The following GET4 variants were observed in gnomAD, a reference collection of about 807,000 sequenced individuals.
The protein encoded by GET4 is Golgi to ER traffic protein 4 homolog.
GET4 carries 20 observed loss-of-function variants against 40.0 expected under a neutral mutation model. That is an observed-to-expected ratio of 0.50 (90% CI 0.35 to 0.73). GET4 has a LOEUF of 0.73. Among genes scored for constraint, GET4 ranks in the 30% least tolerant of loss-of-function variants. GET4 has a pLI of 0.01. For synonymous variants in GET4, 280 were observed against 194.6 expected, an observed-to-expected ratio of 1.44 and a Z score of -3.65; for missense variants, 557 against 454.0, an observed-to-expected ratio of 1.23 and a Z score of -2.06.
At chr7:892,520 G>GGTGTGGGTAGCC in intron 6 of GET4, 102 bp downstream of exon 6, 1 of 1,303,032 alleles carries the variant, frequency 7.7e-7, no homozygotes, top group Non-Finnish European at 1.1e-6. Flanking sequence ...GTGTAGCCAT[G>GGTGTGGGTAGCC]GTGTGGGTAG....
intron 6 of GET4, among the ~76,000 whole-genome samples, chr7:893,020 GGGGTGTAGGCGTGTGTGCAGGTGAGTGTT>G (rs1844365852): frequency 1.3e-5 from 2 of 149,212 alleles, no homozygotes; most frequent in Non-Finnish European, 3.0e-5. Flanking sequence ...TTGCAGGTGA[GGGGTGTAGGCGTGTGTGCAGGTGAGTGTT>G]GGGTGTGGGC....
At chr7:893,008 G>GTGTGCAGGTGAGTGT (rs1844365255) in intron 6 of GET4, among the ~76,000 whole-genome samples, 1 of 149,978 alleles carries the variant, frequency 6.7e-6, no homozygotes. Flanking sequence ...GCGTGGTGGT[G>GTGTGCAGGTGAGTGT]TTTGCAGGTG....
chr7:886,224 C>G, intron 2 of GET4, 90 bp downstream of exon 2: 1 of 852,686 alleles, frequency 1.2e-6, no homozygotes, highest in Non-Finnish European at 2.0e-6. Context: ...TGATGGGCAA[C>G]CTTGCGCTGC....
chr7:885,028 C>T (rs889815646), intron 1 of GET4: 3 of 152,368 alleles, frequency 2.0e-5, no homozygotes, highest in Non-Finnish European at 4.4e-5. Context: ...GCGATCCTCC[C>T]ACCTCAGCCT....
chr7:893,717 A>G, intron 6 of GET4, 23 bp from the exon 7 acceptor site: 1 of 1,538,604 alleles, frequency 6.5e-7, no homozygotes, highest in Non-Finnish European at 9.0e-7. Flanking sequence ...CACCCAGCAC[A>G]TCCCTGTGTG....
chr7:877,782 T>G, intron 1 of GET4: 2 of 40,302 alleles, frequency 5.0e-5, no homozygotes, highest in South Asian at 2.7e-3. Flanking sequence ...CCCCCACCTG[T>G]TCCCCTCCCC....
At chr7:885,964 C>T (rs868326758) in intron 1 of GET4, 92 bp from the exon 2 acceptor site, 21 of 796,044 alleles carry the variant, frequency 2.6e-5, no homozygotes, top group Admixed American at 9.2e-5. Flanking sequence ...TGTTCCTGGG[C>T]GCCTTGTTTT....
intron 6 of GET4, chr7:892,623 G>A (rs1844353188): frequency 4.3e-6 from 2 of 463,258 alleles, no homozygotes; most frequent in Non-Finnish European, 7.8e-6. Context: ...GGTAGTGCGG[G>A]TAGCTGTGTG....
rs768732516 is a variant in GET4, at chr7:895,392, C to T, written c.954C>T (p.Pro318=). The T allele has an allele frequency of 1.3e-6, 2 of 1,593,580 alleles. No individual in the cohort carries two copies. The highest frequency in any genetic ancestry group is 1.7e-6 in the Non-Finnish European group (2 of 1,163,166). The change falls in exon 9 of 9, where the codon CCC becomes CCT. Residue 318 remains proline (P), a synonymous_variant. Transcript: ENST00000265857. ...SSEQEDGEES[P]SDGSPIELD Reference sequence around the variant, plus strand: ...AGCAGGAGGATGGGGAGGAGAGCCCCAGCGACGGCAGCCCCATCGAGCTGG... The same window carrying T: ...AGCAGGAGGATGGGGAGGAGAGCCCTAGCGACGGCAGCCCCATCGAGCTGG...
chr7:893,507 T>G (rs545194477), intron 6 of GET4, among the ~76,000 whole-genome samples: 21 of 113,916 alleles, frequency 1.8e-4, no homozygotes, highest in African/African-American at 6.2e-4. Context: ...GCGGGCATGG[T>G]GGTTGCAGGT....
Position 876,669 on chromosome 7 carries a change from C to A in GET4, c.24C>A (p.Ala8=). 5 of 1,307,152 alleles carry A rather than the reference C, an allele frequency of 3.8e-6. No individual in the cohort carries two copies. Among genetic ancestry groups the A allele is most frequent in the Non-Finnish European group, 4.9e-6 (5 of 1,019,286 alleles). 81.0% of individuals were successfully genotyped at this position (1,307,152 alleles called of 1,614,324 possible). Residue 8 remains alanine, a synonymous_variant, in exon 1 of 9, where the codon GCC becomes GCA. Coordinates refer to ENST00000265857, the MANE Select transcript of GET4 (RefSeq NM_015949.3). MAAAAAM[A]EQESARNGGR... Reference sequence around the variant, plus strand: ...CGATGGCGGCGGCGGCGGCGATGGCCGAGCAGGAGAGCGCCCGGAACGGCG... The same window carrying A: ...CGATGGCGGCGGCGGCGGCGATGGCAGAGCAGGAGAGCGCCCGGAACGGCG...
At chr7:877,341 C>T (rs1438813999) in intron 1 of GET4, among the ~76,000 whole-genome samples, 6 of 127,744 alleles carry the variant, frequency 4.7e-5, no homozygotes, top group Admixed American at 4.6e-4. Context: ...TGCCCCTCGT[C>T]TCTCTCTCGC....
intron 1 of GET4, chr7:885,573 G>A (rs760572768): frequency 6.3e-6 from 1 of 157,630 alleles, no homozygotes; most frequent in African/African-American, 2.4e-5. Context: ...GCACGCAGAG[G>A]GGCAGAGGGC....
chr7:885,830 A>G, intron 1 of GET4: 1 of 547,504 alleles, frequency 1.8e-6, no homozygotes, highest in Non-Finnish European at 3.3e-6. Context: ...GTGTATTTGG[A>G]CACAGATAGG....
intron 4 of GET4, 46 bp downstream of exon 4, chr7:887,565 C>T (rs776623876): frequency 1.9e-5 from 27 of 1,424,922 alleles, no homozygotes; most frequent in African/African-American, 5.7e-5. Flanking sequence ...CTGCTCTCGG[C>T]GTTGATTTGC....
chr7:886,478 C>G, intron 2 of GET4, 91 bp from the exon 3 acceptor site: 1 of 928,546 alleles, frequency 1.1e-6, no homozygotes. Context: ...CGGCCGCACT[C>G]TGGCTTCTGC....
rs778724010 is a variant in GET4 at position 892,364 on chromosome 7, C to T, written c.692C>T (p.Pro231Leu). 3.8e-6 allele frequency: 6 copies of T among 1,594,186 alleles called. No individual in the cohort carries two copies. Among genetic ancestry groups the T allele is most frequent in the Non-Finnish European group, 5.2e-6 (6 of 1,163,504 alleles). ...QKHPSIEDGP[P>L]FVEPLLNFIW... ...CACCCGTCCATCGAGGACGGGCCTC[C>T]GTTTGTGGAGCCGCTGCTTAACTTC... The change falls in exon 6 of 9, where the codon CCG becomes CTG. Residue 231 changes from proline to leucine, a missense_variant. By Grantham distance (98) the Pro-to-Leu change is moderately conservative (BLOSUM62 -3). Transcript: ENST00000265857.
At position 886,153 on chromosome 7, in the gene GET4, T is replaced by G. The variant is rs1438118466; in HGVS notation, c.234+19T>G. 6.6e-7 allele frequency: 1 copy of G among 1,519,260 alleles called. No homozygotes were observed. Among genetic ancestry groups the G allele is most frequent in the East Asian group, 2.2e-5 (1 of 44,470 alleles). The allele number at this position is 1,519,260 out of a possible 1,614,324, so 94.1% of individuals were successfully genotyped here. Reference sequence around the variant, plus strand: ...TGGCCAGGTAAGCCGTCTTGCTTCCTCCTGCATCCCTTTCTGCTCCGGGCA... The same window carrying G: ...TGGCCAGGTAAGCCGTCTTGCTTCCGCCTGCATCCCTTTCTGCTCCGGGCA... On this transcript the variant is annotated intron_variant, in intron 2 of 8. Transcript: ENST00000265857.
At chr7:885,925 C>T (rs1460799107) in intron 1 of GET4, 131 bp from the exon 2 acceptor site, 1 of 686,696 alleles carries the variant, frequency 1.5e-6, no homozygotes, top group African/African-American at 1.8e-5. Context: ...CACCTGGGCC[C>T]TGGGAGCGGC....
Sources: gnomAD v4.1 joint callset for allele counts (sites outside exome capture counted in the v4.1 genomes callset) on GRCh38, gnomAD v4.1.1 for gene constraint, MANE v1.5 for transcripts, NCBI Gene and HGNC (gene_info 2026-07-23, HGNC 2026-07-21) for gene names.